The following TOX3 variants were observed in gnomAD, a reference collection of about 807,000 sequenced individuals.
The protein encoded by TOX3 is CAG trinucleotide repeat-containing gene F9 protein.
In TOX3, 22 loss-of-function variants were observed where a neutral mutation model predicts 64.3. The observed-to-expected ratio is 0.34, with a 90% CI of 0.24 to 0.49. The LOEUF (loss-of-function observed/expected upper bound fraction) is 0.49. TOX3 is among the 20% of genes least tolerant of loss of function. The pLI, the probability that TOX3 is intolerant of heterozygous loss-of-function variation, is 0.99. For synonymous variants in TOX3, 291 were observed against 273.6 expected (o/e 1.06, Z -0.63); for missense variants, 661 against 714.4 (o/e 0.93, Z 0.85).
chr16:52,537,675 G>T (rs541451454), intron 1 of TOX3, among the ~76,000 whole-genome samples: 16 of 152,038 alleles, frequency 1.1e-4, no homozygotes, highest in Non-Finnish European at 2.2e-4. Context: ...AGATGACAGT[G>T]TCCAGCTCCC....
In TOX3 at chr16:52,450,341, C is replaced by G. The variant is rs753836987; in HGVS notation, c.614G>C (p.Ser205Thr). The change falls in exon 4 of 7, where the codon AGC becomes ACC. Residue 205 changes from serine to threonine, a missense_variant. Ser to Thr is a moderately conservative substitution (Grantham distance 58). Around this residue, in one of 3 missense-constraint regions of TOX3, gnomAD observed 103 missense variants for 161.2 expected, o/e 0.64. Transcript: ENST00000219746. ...GGAAGGGGAGGGAGTGGCTGATTTG[C>G]TTGCTGGAGGTGAAGGAGATGTGTG... is the stretch of plus-strand genomic sequence containing the variant. The part of the protein sequence containing the change: ...MPHTSPSPPA[S>T]KSATPSPSSS... 1 of 1,613,980 alleles carries G rather than the reference C, an allele frequency of 6.2e-7. No homozygotes were observed. Among genetic ancestry groups the G allele is most frequent in the South Asian group, 1.1e-5 (1 of 91,088 alleles).
intron 6 of TOX3, among the ~76,000 whole-genome samples, chr16:52,441,459 T>C (rs942010027): frequency 2.0e-5 from 3 of 152,188 alleles, no homozygotes; most frequent in Admixed American, 6.5e-5. Flanking sequence ...GGGCTGAACA[T>C]AGAGAGAAAC....
Position 52,439,538 on chromosome 16 carries a change from A to G in TOX3, c.1418T>C (p.Ile473Thr), listed in dbSNP as rs1282768190. 6.8e-7 allele frequency: 1 copy of G among 1,465,420 alleles called. No individual in the cohort carries two copies. The highest frequency in any genetic ancestry group is 2.5e-5 in the East Asian group (1 of 40,760). 90.8% of individuals were successfully genotyped at this position (1,465,420 alleles called of 1,614,324 possible). A position where few individuals can be genotyped will look rare whatever the true frequency, so the allele number is the denominator to read the frequency against. The change falls in exon 7 of 7, where the codon ATC becomes ACC. Residue 473 changes from isoleucine to threonine, a missense_variant. Transcript: ENST00000219746. ...ATGCTGCTGCTGCATCTGCTGCTGG[A>G]TTTGCTGATGCATTTGGTGCTGCTG... is the stretch of plus-strand genomic sequence containing the variant. ...QLQQHQMHQQIQQQMQQQHFQ... is the reference protein window; with the variant it reads ...QLQQHQMHQQTQQQMQQQHFQ...
At position 52,538,334 on chromosome 16, in the gene TOX3, C is replaced by T. The variant is rs148814225; in HGVS notation, c.87+8303G>A. ...GCATTTTGAACTTCTACTTCCTACA[C>T]CTAGGAGATTTTTTAAAGAAACTGT... On this transcript the variant is annotated intron_variant, in intron 1 of 6. Transcript: ENST00000219746. Among the ~76,000 whole-genome samples, 20 of 152,202 alleles carry T rather than the reference C, an allele frequency of 1.3e-4. No homozygotes were observed. In the East Asian group the frequency reaches 3.9e-3, roughly 29 times the overall value.
At chr16:52,510,017 G>C (rs1962260158) in intron 1 of TOX3, among the ~76,000 whole-genome samples, 1 of 152,030 alleles carries the variant, frequency 6.6e-6, no homozygotes, top group Admixed American at 6.6e-5. Context: ...TAATAATGAG[G>C]AGGGGGTTTC....
At chr16:52,448,983 G>A (rs1386486719) in intron 4 of TOX3, among the ~76,000 whole-genome samples, 1 of 152,152 alleles carries the variant, frequency 6.6e-6, no homozygotes, top group East Asian at 1.9e-4. Context: ...AACCCAATTT[G>A]TCTCTTCTTC....
chr16:52,444,426 A>G, intron 5 of TOX3, 70 bp from the exon 6 acceptor site: 2 of 1,346,774 alleles, frequency 1.5e-6, no homozygotes, highest in Non-Finnish European at 2.0e-6. Flanking sequence ...CTGCTGCACA[A>G]ATTAGGTCAC....
At chr16:52,469,310 C>A (rs1046581931) in intron 1 of TOX3, among the ~76,000 whole-genome samples, 1 of 152,184 alleles carries the variant, frequency 6.6e-6, no homozygotes, top group Admixed American at 6.5e-5. Flanking sequence ...GACTTAAGCT[C>A]TTTACCTCTA....
intron 1 of TOX3, among the ~76,000 whole-genome samples, chr16:52,484,766 A>T (rs1051842862): frequency 5.9e-5 from 9 of 152,188 alleles, no homozygotes; most frequent in Non-Finnish European, 1.3e-4. Context: ...CCTGTGAATT[A>T]TGCCATGAAG....
intron 6 of TOX3, among the ~76,000 whole-genome samples, chr16:52,440,549 A>G (rs1183647512): frequency 6.6e-6 from 1 of 152,156 alleles, no homozygotes; most frequent in African/African-American, 2.4e-5. Context: ...CATATTTAAG[A>G]GCAACAATTC....
chr16:52,541,302 C>T (rs572980632), intron 1 of TOX3, among the ~76,000 whole-genome samples: 2 of 152,142 alleles, frequency 1.3e-5, no homozygotes, highest in Non-Finnish European at 2.9e-5. Context: ...GTGGCAGTAA[C>T]CTTTCCGGGT....
At chr16:52,456,428 G>A (rs1960517739) in intron 3 of TOX3, among the ~76,000 whole-genome samples, 1 of 152,156 alleles carries the variant, frequency 6.6e-6, no homozygotes, top group African/African-American at 2.4e-5. Flanking sequence ...CTAATAGGAG[G>A]GGCATTGCCT....
chr16:52,534,205 G>T (rs1962904536), intron 1 of TOX3, among the ~76,000 whole-genome samples: 1 of 152,106 alleles, frequency 6.6e-6, no homozygotes, highest in Non-Finnish European at 1.5e-5. Context: ...TAAGGAAAAT[G>T]GACACAGTTT....
At chr16:52,525,942 G>C (rs1050868711) in intron 1 of TOX3, among the ~76,000 whole-genome samples, 1 of 152,162 alleles carries the variant, frequency 6.6e-6, no homozygotes, top group Non-Finnish European at 1.5e-5. Context: ...AGGTTTGTTT[G>C]TTTTAATCTA....
chr16:52,444,693 A>C, intron 5 of TOX3: 1 of 195,084 alleles, frequency 5.1e-6, no homozygotes, highest in Non-Finnish European at 1.0e-5. Context: ...GCAATAAATA[A>C]GGTAGCAAGA....
At chr16:52,540,901 C>A (rs958313672) in intron 1 of TOX3, among the ~76,000 whole-genome samples, 7 of 152,166 alleles carry the variant, frequency 4.6e-5, no homozygotes, top group Non-Finnish European at 1.0e-4. Flanking sequence ...CACTGCCAAC[C>A]CAAAGACTTC....
At chr16:52,452,628 A>G (rs1211910519) in intron 3 of TOX3, among the ~76,000 whole-genome samples, 3 of 152,086 alleles carry the variant, frequency 2.0e-5, no homozygotes, top group African/African-American at 7.2e-5. Flanking sequence ...GTGTATACAT[A>G]TATAACAAAC....
At chr16:52,439,996 C>G (rs1054027318) in intron 6 of TOX3, 28 bp from the exon 7 acceptor site, 2 of 1,493,106 alleles carry the variant, frequency 1.3e-6, no homozygotes, top group Non-Finnish European at 1.8e-6. Context: ...AAATTCCAGA[C>G]TGTTACAACA....
intron 3 of TOX3, among the ~76,000 whole-genome samples, chr16:52,460,650 T>C (rs563000262): frequency 7.2e-5 from 11 of 152,306 alleles, no homozygotes; most frequent in African/African-American, 2.2e-4. Flanking sequence ...TCCTGTCATT[T>C]TAAATCTGAA....
Sources: gnomAD v4.1 joint callset for allele counts (sites outside exome capture counted in the v4.1 genomes callset) on GRCh38, gnomAD v4.1.1 for gene constraint, gnomAD v4.1.1 regional missense constraint, MANE v1.5 for transcripts, NCBI Gene and HGNC (gene_info 2026-07-23, HGNC 2026-07-21) for gene names.